GLRA3: variants seen among roughly 807,000 people sequenced by gnomAD.
GLRA3 encodes glycine receptor subunit alpha-3.
In GLRA3, 44 loss-of-function variants were observed where a neutral mutation model predicts 60.4. The ratio of observed to expected loss-of-function variants is 0.73; its 90% CI spans 0.57 to 0.94. The LOEUF (loss-of-function observed/expected upper bound fraction) is 0.94, where lower values mean the gene tolerates loss of function less well. Among genes scored for constraint, GLRA3 ranks in the 40% least tolerant of loss-of-function variants. GLRA3 has a pLI of 0.00. For missense variants in GLRA3, 508 were observed against 564.6 expected, an observed-to-expected ratio of 0.90 and a Z score of 1.02; for synonymous variants, 223 against 192.9, an observed-to-expected ratio of 1.16 and a Z score of -1.29.
At chr4:174,779,084 G>A (rs1298609272) in intron 2 of GLRA3, among the ~76,000 whole-genome samples, 4 of 152,196 alleles carry the variant, frequency 2.6e-5, no homozygotes, top group Non-Finnish European at 4.4e-5. Context: ...TGACAGCTTT[G>A]AAGAGAGCAG....
At chr4:174,660,859 A>G (rs1733405445) in intron 7 of GLRA3, among the ~76,000 whole-genome samples, 1 of 152,206 alleles carries the variant, frequency 6.6e-6, no homozygotes, top group Non-Finnish European at 1.5e-5. Context: ...TAATACATTA[A>G]CATCATTATT....
intron 2 of GLRA3, among the ~76,000 whole-genome samples, chr4:174,774,200 A>G (rs1738502606): frequency 6.6e-6 from 1 of 152,208 alleles, no homozygotes; most frequent in Non-Finnish European, 1.5e-5. Context: ...AAGTAATTAT[A>G]TTGAGGATAA....
At chr4:174,778,114 C>G (rs1401298974) in intron 2 of GLRA3, among the ~76,000 whole-genome samples, 2 of 152,018 alleles carry the variant, frequency 1.3e-5, no homozygotes, top group Admixed American at 1.3e-4. Flanking sequence ...CTTAACCTGG[C>G]CCTCCAACTC....
At chr4:174,652,410 C>A (rs1396767584) in intron 9 of GLRA3, among the ~76,000 whole-genome samples, 2 of 151,930 alleles carry the variant, frequency 1.3e-5, no homozygotes, top group Non-Finnish European at 2.9e-5. Flanking sequence ...AGAAAGTGGG[C>A]AAAATCGCTG....
intron 7 of GLRA3, among the ~76,000 whole-genome samples, chr4:174,666,410 C>A (rs1733664289): frequency 6.6e-6 from 1 of 151,772 alleles, no homozygotes; most frequent in African/African-American, 2.4e-5. Flanking sequence ...ATATTTTATC[C>A]TACAAAATAC....
intron 5 of GLRA3, among the ~76,000 whole-genome samples, chr4:174,692,514 A>G (rs1461082447): frequency 1.3e-5 from 2 of 150,360 alleles, no homozygotes; most frequent in Non-Finnish European, 3.0e-5. Context: ...AAAGGTGGGG[A>G]AAAGATTGAG....
At chr4:174,696,048 G>T (rs1431103508) in intron 5 of GLRA3, among the ~76,000 whole-genome samples, 1 of 151,640 alleles carries the variant, frequency 6.6e-6, no homozygotes, top group African/African-American at 2.4e-5. Flanking sequence ...ATGAAAGAAA[G>T]ATCTCTACAA....
intron 2 of GLRA3, among the ~76,000 whole-genome samples, chr4:174,783,346 G>T (rs1738973411): frequency 7.4e-6 from 1 of 135,444 alleles, no homozygotes; most frequent in South Asian, 2.2e-4. Flanking sequence ...TTACATGTTA[G>T]ACCTAAAACC....
rs28401349 is a variant in GLRA3 at position 174,741,518 on chromosome 4, T to C, written c.268-12820A>G. On this transcript the variant is annotated intron_variant, in intron 3 of 9. Coordinates refer to ENST00000274093, the MANE Select transcript of GLRA3 (RefSeq NM_006529.4). ...ACATGAGATTGGCAAACTTGTTTTT[T>C]CACAGCATGTAGCTTTTTTTTCCTT... is the stretch of plus-strand genomic sequence containing the variant. Among the ~76,000 whole-genome samples, 674 of 152,288 alleles carry C rather than the reference T, an allele frequency of 4.4e-3. 4 individuals carry two copies. Among genetic ancestry groups the C allele is most frequent in the African/African-American group, 0.016 (653 of 41,588 alleles).
At chr4:174,741,356 C>G (rs530399032) in intron 3 of GLRA3, among the ~76,000 whole-genome samples, 1 of 152,234 alleles carries the variant, frequency 6.6e-6, no homozygotes, top group South Asian at 2.1e-4. Flanking sequence ...GTAGTGTTTT[C>G]TACCTATTTG....
At chr4:174,760,610 T>A (rs1737902643) in intron 3 of GLRA3, among the ~76,000 whole-genome samples, 1 of 152,044 alleles carries the variant, frequency 6.6e-6, no homozygotes, top group African/African-American at 2.4e-5. Context: ...AAACTCCGCC[T>A]CCTGGGTTCA....
chr4:174,760,392 G>A (rs1737890057), intron 3 of GLRA3, among the ~76,000 whole-genome samples: 1 of 152,098 alleles, frequency 6.6e-6, no homozygotes, highest in African/African-American at 2.4e-5. Context: ...TGACCACATT[G>A]GAGAGCAATT....
intron 5 of GLRA3, among the ~76,000 whole-genome samples, chr4:174,703,370 A>C (rs1735397876): frequency 1.3e-5 from 2 of 152,072 alleles, no homozygotes; most frequent in South Asian, 4.2e-4. Flanking sequence ...AACACTCCTA[A>C]AGTCCACCTC....
At chr4:174,688,579 AGTGTGTGTGT>A (rs59653917) in intron 5 of GLRA3, among the ~76,000 whole-genome samples, 101 of 133,928 alleles carry the variant, frequency 7.5e-4, no homozygotes, top group Non-Finnish European at 6.1e-4. Flanking sequence ...GGAAGGAGGA[AGTGTGTGTGT>A]GTGTGTGTGT....
At chr4:174,710,752 C>T (rs1735689332) in intron 5 of GLRA3, among the ~76,000 whole-genome samples, 1 of 151,684 alleles carries the variant, frequency 6.6e-6, no homozygotes, top group Non-Finnish European at 1.5e-5. Context: ...ATTTCTATTT[C>T]TTCATTCTGT....
At chr4:174,687,678 C>T (rs1349388065) in intron 5 of GLRA3, among the ~76,000 whole-genome samples, 1 of 152,120 alleles carries the variant, frequency 6.6e-6, no homozygotes, top group Non-Finnish European at 1.5e-5. Flanking sequence ...ATTGTTGTTA[C>T]ACCATGAGCT....
chr4:174,780,898 G>A (rs187294126), intron 2 of GLRA3, among the ~76,000 whole-genome samples: 1,941 of 151,974 alleles, frequency 0.013, 15 homozygotes, highest in Non-Finnish European at 0.019. Context: ...AACATTAGAC[G>A]GATCAACGAG....
intron 6 of GLRA3, among the ~76,000 whole-genome samples, chr4:174,680,291 A>C (rs2110966237): frequency 6.6e-6 from 1 of 152,322 alleles, no homozygotes; most frequent in South Asian, 2.1e-4. Context: ...TTGGACAAAA[A>C]AATCCATCAC....
chr4:174,826,120 A>G (rs1263742526), intron 1 of GLRA3, among the ~76,000 whole-genome samples: 1 of 152,132 alleles, frequency 6.6e-6, no homozygotes, highest in Non-Finnish European at 1.5e-5. Flanking sequence ...ACATGTATTC[A>G]CCACAAAAGA....
Sources: gnomAD v4.1 joint callset for allele counts (sites outside exome capture counted in the v4.1 genomes callset) on GRCh38, gnomAD v4.1.1 for gene constraint, MANE v1.5 for transcripts, NCBI Gene and HGNC (gene_info 2026-07-23, HGNC 2026-07-21) for gene names.